Variants in GRID2 observed in about 807,000 individuals in gnomAD.
GRID2 encodes the protein glutamate ionotropic receptor delta type subunit 2, also known as glutamate receptor ionotropic, delta-2.
GRID2 carries 33 observed loss-of-function variants against 114.8 expected under a neutral mutation model. The ratio of observed to expected loss-of-function variants is 0.29; its 90% confidence interval spans 0.22 to 0.38. GRID2 has a LOEUF of 0.38. Ranked by LOEUF, GRID2 falls within the 10% of genes least tolerant of loss-of-function variation. The pLI is 1.00. For synonymous variants in GRID2, 505 were observed against 449.9 expected (o/e 1.12, Z -1.55); for missense variants, 1,184 against 1,257.7 (o/e 0.94, Z 0.89).
intron 1 of GRID2, among the ~76,000 whole-genome samples, chr4:92,500,251 A>C (rs113317147): frequency 1.3e-5 from 2 of 152,130 alleles, no homozygotes; most frequent in African/African-American, 4.8e-5. Flanking sequence ...CACACTTTAA[A>C]AAATTTTTTC....
intron 2 of GRID2, among the ~76,000 whole-genome samples, chr4:92,919,957 T>C (rs1259736839): frequency 2.0e-5 from 3 of 152,184 alleles, no homozygotes; most frequent in Non-Finnish European, 4.4e-5. Context: ...GGTGTTAAAG[T>C]CTTCCGTTAT....
intron 12 of GRID2, among the ~76,000 whole-genome samples, chr4:93,501,138 T>C (rs1245052205): frequency 6.6e-6 from 1 of 151,988 alleles, no homozygotes; most frequent in Non-Finnish European, 1.5e-5. Context: ...GAATCTGACC[T>C]GAGAGTGTGA....
At chr4:93,488,558 A>T (rs560627998) in intron 11 of GRID2, among the ~76,000 whole-genome samples, 1 of 151,980 alleles carries the variant, frequency 6.6e-6, no homozygotes, top group African/African-American at 2.4e-5. Context: ...GTAGTATTGT[A>T]TCTCTTTATT....
At chr4:93,039,910 T>C (rs77540497) in intron 2 of GRID2, among the ~76,000 whole-genome samples, 2,703 of 152,294 alleles carry the variant, frequency 0.018, 88 homozygotes, top group African/African-American at 0.061. Flanking sequence ...GGTATTAGTG[T>C]GCAAAAAGTT....
chr4:92,898,496 A>AT (rs1348609213), intron 2 of GRID2, among the ~76,000 whole-genome samples: 1 of 152,124 alleles, frequency 6.6e-6, no homozygotes, highest in Non-Finnish European at 1.5e-5. Context: ...TTCAAAGTCT[A>AT]TTTTTTATTA....
At chr4:92,389,009 C>T (rs1007707645) in intron 1 of GRID2, among the ~76,000 whole-genome samples, 12 of 151,900 alleles carry the variant, frequency 7.9e-5, no homozygotes, top group Non-Finnish European at 1.3e-4. Context: ...TAATGGAAAC[C>T]GGCCCTTAAT....
intron 14 of GRID2, among the ~76,000 whole-genome samples, chr4:93,686,441 T>G (rs1726085757): frequency 6.6e-6 from 1 of 151,846 alleles, no homozygotes; most frequent in African/African-American, 2.4e-5. Flanking sequence ...CATCAGCTAC[T>G]ATGTGCCAGA....
chr4:93,211,968 C>T (rs986255676), intron 5 of GRID2, among the ~76,000 whole-genome samples: 1 of 151,830 alleles, frequency 6.6e-6, no homozygotes, highest in East Asian at 1.9e-4. Context: ...CAGAAAATGA[C>T]TTACATTTTT....
chr4:93,106,943 G>A (rs1732293734), intron 3 of GRID2, among the ~76,000 whole-genome samples: 1 of 152,148 alleles, frequency 6.6e-6, no homozygotes, highest in East Asian at 1.9e-4. Context: ...ACTAGATTTT[G>A]TATATACACA....
Position 92,751,542 on chromosome 4 carries a change from C to G in GRID2, c.244+161256C>G, listed in dbSNP as rs77777866. On this transcript the variant is annotated intron_variant, in intron 2 of 15. Coordinates refer to ENST00000282020, the MANE Select transcript of GRID2 (RefSeq NM_001510.4). ...CAAAGAGATAGTTCTTAGAAATAGA[C>G]AAGCTTAAATCAATGTTCTCTTTTC... Among the ~76,000 whole-genome samples, 35 of 152,222 alleles carry G rather than the reference C, an allele frequency of 2.3e-4. No individual in the cohort carries two copies. In the East Asian group the frequency reaches 6.4e-3, roughly 28 times the overall value.
intron 14 of GRID2, among the ~76,000 whole-genome samples, chr4:93,761,922 A>G (rs904701589): frequency 2.0e-5 from 3 of 152,218 alleles, no homozygotes; most frequent in African/African-American, 7.2e-5. Context: ...GCAAATTGTA[A>G]TATTAGATAT....
chr4:92,854,264 C>T (rs1400959439), intron 2 of GRID2, among the ~76,000 whole-genome samples: 1 of 151,982 alleles, frequency 6.6e-6, no homozygotes, highest in Non-Finnish European at 1.5e-5. Flanking sequence ...GTATTTCCCT[C>T]ATGCTGAACA....
At chr4:93,387,020 A>T (rs1764382238) in intron 8 of GRID2, among the ~76,000 whole-genome samples, 1 of 152,076 alleles carries the variant, frequency 6.6e-6, no homozygotes, top group Non-Finnish European at 1.5e-5. Context: ...TTGGGGAGGG[A>T]AGCTTTCCTC....
chr4:93,163,383 T>TGTATATATATATATATAC (rs1737909064), intron 4 of GRID2, among the ~76,000 whole-genome samples: 1 of 44,976 alleles, frequency 2.2e-5, no homozygotes, highest in African/African-American at 8.3e-5. Flanking sequence ...TATATATATA[T>TGTATATATATATATATAC]ATATATATAT....
intron 1 of GRID2, among the ~76,000 whole-genome samples, chr4:92,336,814 A>C (rs1727194463): frequency 2.0e-5 from 3 of 152,032 alleles, no homozygotes; most frequent in Admixed American, 1.3e-4. Context: ...CTTCTTCTTC[A>C]GGACCATTGA....
At chr4:93,244,904 T>C (rs2149522212) in intron 8 of GRID2, among the ~76,000 whole-genome samples, 2 of 151,988 alleles carry the variant, frequency 1.3e-5, no homozygotes, top group Middle Eastern at 6.9e-3. Flanking sequence ...CAAACTGATA[T>C]TATATCAGTC....
At chr4:93,635,417 T>A (rs1721327325) in intron 14 of GRID2, among the ~76,000 whole-genome samples, 1 of 149,598 alleles carries the variant, frequency 6.7e-6, no homozygotes, top group South Asian at 2.1e-4. Context: ...TATATATTTA[T>A]ACATATATTT....
rs139830984 is a variant in GRID2, at chr4:93,486,710, T to C, written c.1859-3929T>C. 1.3e-3 allele frequency among the ~76,000 whole-genome samples: 195 copies of C among 151,846 alleles called. 4 individuals carry two copies. The East Asian group carries it at 0.031, about 24-fold the overall frequency. On this transcript the variant is annotated intron_variant, in intron 11 of 15. Coordinates refer to ENST00000282020, the MANE Select transcript of GRID2 (RefSeq NM_001510.4). ...TTGCTGTCCTATAATAAACCCTATCTGTTTATTTATGCAGTTCTCCGTTTG... is the reference window on the plus strand; with the variant it reads ...TTGCTGTCCTATAATAAACCCTATCCGTTTATTTATGCAGTTCTCCGTTTG...
rs1171195192 is a variant in GRID2 at position 93,601,361 on chromosome 4, CA to C, written c.2194-24907del. 2.6e-5 allele frequency among the ~76,000 whole-genome samples: 4 copies of C among 152,176 alleles called. 1 individual carries two copies. Among genetic ancestry groups the C allele is most frequent in the Non-Finnish European group, 5.9e-5 (4 of 68,028 alleles). ...CATCATATCCTACCCAACATAAATACATGGGTGTCCTGGAACATGTCCCATT... is the reference window on the plus strand; with the variant it reads ...CATCATATCCTACCCAACATAAATACTGGGTGTCCTGGAACATGTCCCATT... On this transcript the variant is annotated intron_variant, in intron 13 of 15. Transcript: ENST00000282020.
Sources: gnomAD v4.1 joint callset for allele counts (sites outside exome capture counted in the v4.1 genomes callset) on GRCh38, gnomAD v4.1.1 for gene constraint, MANE v1.5 for transcripts, NCBI Gene and HGNC (gene_info 2026-07-23, HGNC 2026-07-21) for gene names.